The following BCL2L11 variants were observed in gnomAD, a reference collection of about 807,000 sequenced individuals.
BCL2L11 encodes the protein bcl-2-like protein 11.
BCL2L11 carries 15 observed loss-of-function variants against 20.6 expected under a neutral mutation model. That is an observed-to-expected ratio of 0.73 (90% CI 0.49 to 1.12). BCL2L11 has a LOEUF of 1.12. Ranked by LOEUF, BCL2L11 falls within the 50% of genes most tolerant of loss-of-function variation. BCL2L11 has a pLI of 0.00. For synonymous variants in BCL2L11, 108 were observed against 92.8 expected, an observed-to-expected ratio of 1.16 and a Z score of -0.94; for missense variants, 292 against 260.9, an observed-to-expected ratio of 1.12 and a Z score of -0.82.
intron 2 of BCL2L11, chr2:111,132,078 G>T (rs1375232437): frequency 1.3e-5 from 2 of 152,122 alleles, no homozygotes; most frequent in African/African-American, 4.8e-5. Context: ...AGTCTCATGT[G>T]CCTTGCTCTT....
intron 2 of BCL2L11, among the ~76,000 whole-genome samples, chr2:111,127,829 C>G (rs2073009591): frequency 6.6e-6 from 1 of 152,054 alleles, no homozygotes; most frequent in Non-Finnish European, 1.5e-5. Flanking sequence ...TTGATACACA[C>G]TGGATTTTGA....
At chr2:111,129,395 A>G (rs1191221898) in intron 2 of BCL2L11, among the ~76,000 whole-genome samples, 1 of 152,232 alleles carries the variant, frequency 6.6e-6, no homozygotes, top group African/African-American at 2.4e-5. Flanking sequence ...AGTTCCAAAC[A>G]CATTTATTAA....
chr2:111,130,830 A>C (rs763669343), intron 2 of BCL2L11, among the ~76,000 whole-genome samples: 3 of 152,322 alleles, frequency 2.0e-5, no homozygotes, highest in Non-Finnish European at 2.9e-5. Context: ...GATGGATGTT[A>C]GATTTTATAA....
chr2:111,134,417 G>A (rs192524877), intron 2 of BCL2L11, among the ~76,000 whole-genome samples: 119 of 152,184 alleles, frequency 7.8e-4, no homozygotes, highest in Non-Finnish European at 1.2e-3. Flanking sequence ...ATTTTATGAT[G>A]GGAGCTGAAG....
At chr2:111,122,681 A>AGCGCGGGCCAGAGGCGCG in intron 1 of BCL2L11, 1 of 982,776 alleles carries the variant, frequency 1.0e-6, no homozygotes, top group African/African-American at 1.8e-5. Flanking sequence ...CGGCCGGGGC[A>AGCGCGGGCCAGAGGCGCG]GCGCGGGCCA....
intron 1 of BCL2L11, chr2:111,123,494 GT>G: frequency 1.0e-6 from 1 of 985,468 alleles, no homozygotes; most frequent in Non-Finnish European, 1.2e-6. Flanking sequence ...GTGTGCACCA[GT>G]TCCGCAAGCT....
intron 3 of BCL2L11, among the ~76,000 whole-genome samples, chr2:111,151,130 C>G (rs2077203719): frequency 6.6e-6 from 1 of 152,118 alleles, no homozygotes; most frequent in African/African-American, 2.4e-5. Flanking sequence ...TCTCGATTTC[C>G]TGACTCTGTG....
chr2:111,157,775 A>T (rs1453954515), intron 3 of BCL2L11, among the ~76,000 whole-genome samples: 1 of 152,216 alleles, frequency 6.6e-6, no homozygotes, highest in Non-Finnish European at 1.5e-5. Context: ...ATAGGATAAA[A>T]GTTTGGTTTA....
At chr2:111,154,211 G>A (rs1203083286) in intron 3 of BCL2L11, among the ~76,000 whole-genome samples, 4 of 152,068 alleles carry the variant, frequency 2.6e-5, no homozygotes, top group African/African-American at 9.7e-5. Flanking sequence ...AAATACTTCA[G>A]TGTATATTTC....
intron 1 of BCL2L11, chr2:111,122,892 C>G (rs968754000): frequency 2.0e-6 from 2 of 985,264 alleles, no homozygotes; most frequent in East Asian, 1.1e-4. Context: ...GTCCCTGGCC[C>G]GGACGCTGCG....
intron 2 of BCL2L11, among the ~76,000 whole-genome samples, chr2:111,127,059 T>C (rs1574913850): frequency 1.3e-5 from 2 of 152,320 alleles, no homozygotes; most frequent in Admixed American, 1.3e-4. Context: ...AAGGAATATA[T>C]TTCTCTGTGG....
chr2:111,153,088 A>G (rs950056940), intron 3 of BCL2L11, among the ~76,000 whole-genome samples: 4 of 152,118 alleles, frequency 2.6e-5, no homozygotes, highest in Non-Finnish European at 4.4e-5. Flanking sequence ...AAATAGCGCA[A>G]AACACAAGGC....
intron 3 of BCL2L11, among the ~76,000 whole-genome samples, chr2:111,152,357 A>C (rs936026679): frequency 2.0e-5 from 3 of 152,222 alleles, no homozygotes. Context: ...TGCTGCCAAG[A>C]GCTCTGGGTA....
chr2:111,134,485 C>T (rs780120765), intron 2 of BCL2L11, among the ~76,000 whole-genome samples: 1 of 152,148 alleles, frequency 6.6e-6, no homozygotes, highest in Non-Finnish European at 1.5e-5. Flanking sequence ...ATATAATTGT[C>T]TGAAGTATTT....
chr2:111,142,357 G>A (rs2075959883), intron 2 of BCL2L11: 1 of 1,550,614 alleles, frequency 6.4e-7, no homozygotes, highest in East Asian at 2.4e-5. Context: ...TCATAGGGAA[G>A]TTCAGTGGCC....
At chr2:111,151,975 C>T (rs2077312034) in intron 3 of BCL2L11, 6 of 1,254,812 alleles carry the variant, frequency 4.8e-6, no homozygotes, top group Middle Eastern at 1.9e-4. Context: ...CTTGGTTTAC[C>T]TAAAGGGATT....
intron 1 of BCL2L11, 47 bp from the exon 2 acceptor site, chr2:111,123,686 A>G: frequency 9.3e-7 from 1 of 1,080,300 alleles, no homozygotes; most frequent in Non-Finnish European, 1.2e-6. Flanking sequence ...TTATTCATCG[A>G]TTTTTTTTTT....
Position 111,123,752 on chromosome 2 carries a change from A to G in BCL2L11, c.7A>G (p.Lys3Glu), listed in dbSNP as rs2071805543. The change falls in exon 2 of 4, where the codon AAG becomes GAG. Residue 3 changes from lysine to glutamate, a missense_variant. By Grantham distance (56) the Lys-to-Glu change is moderately conservative. Coordinates refer to ENST00000393256, the MANE Select transcript of BCL2L11 (RefSeq NM_138621.5). Reference sequence around the variant, plus strand: ...TTGCAGAAAAAAAGACCAAATGGCAAAGCAACCTTCTGATGTAAGTTCTGA... The same window carrying G: ...TTGCAGAAAAAAAGACCAAATGGCAGAGCAACCTTCTGATGTAAGTTCTGA... MA[K>E]QPSDVSSECD... 1 of 1,388,966 alleles carries G rather than the reference A, an allele frequency of 7.2e-7. No individual in the cohort carries two copies. Among genetic ancestry groups the G allele is most frequent in the Non-Finnish European group, 9.4e-7 (1 of 1,064,464 alleles). The allele number at this position is 1,388,966 out of a possible 1,614,324, so 86.0% of individuals were successfully genotyped here.
chr2:111,148,844 T>G (rs538095622), intron 2 of BCL2L11, among the ~76,000 whole-genome samples: 66 of 152,364 alleles, frequency 4.3e-4, no homozygotes, highest in African/African-American at 1.6e-3. Flanking sequence ...GTAGAGGAAT[T>G]GGCAAAAACT....
Sources: gnomAD v4.1 joint callset for allele counts (sites outside exome capture counted in the v4.1 genomes callset) on GRCh38, gnomAD v4.1.1 for gene constraint, MANE v1.5 for transcripts, NCBI Gene and HGNC (gene_info 2026-07-23, HGNC 2026-07-21) for gene names.